NRG1: variants seen among roughly 807,000 people sequenced by gnomAD.
NRG1 encodes the protein pro-neuregulin-1, membrane-bound isoform.
NRG1 carries 18 observed loss-of-function variants against 63.8 expected under a neutral mutation model. That is an observed-to-expected ratio of 0.28 (90% confidence interval 0.19 to 0.42). NRG1 has a LOEUF of 0.42. NRG1 is among the 10% of genes least tolerant of loss of function. The pLI, the probability that NRG1 is intolerant of heterozygous loss-of-function variation, is 1.00. For synonymous variants in NRG1, 302 were observed against 301.3 expected, an observed-to-expected ratio of 1.00 and a Z score of -0.02; for missense variants, 762 against 814.7, an observed-to-expected ratio of 0.94 and a Z score of 0.79.
intron 1 of NRG1, among the ~76,000 whole-genome samples, chr8:32,321,611 A>G (rs972353416): frequency 1.3e-5 from 2 of 151,158 alleles, no homozygotes; most frequent in Admixed American, 1.3e-4. Context: ...AGTTGAATTC[A>G]TTTTAAATGA....
Position 32,237,707 on chromosome 8 carries a change from A to C in NRG1, c.38-358121A>C, listed in dbSNP as rs751755154. 2.0e-5 allele frequency among the ~76,000 whole-genome samples: 3 copies of C among 152,072 alleles called. No individual in the cohort carries two copies. In the South Asian group the frequency reaches 6.2e-4, roughly 32 times the overall value. ...AAGTGGATCTGCTTACCACCTAGAA[A>C]CATCAATTGAAACCACAGCTTATGG... On this transcript the variant is annotated intron_variant, in intron 1 of 10. Coordinates refer to the NRG1 transcript ENST00000519301.
chr8:32,525,040 C>CTCAA (rs1830689965), intron 1 of NRG1, among the ~76,000 whole-genome samples: 1 of 152,136 alleles, frequency 6.6e-6, no homozygotes, highest in South Asian at 2.1e-4. Flanking sequence ...GCCGATTTAC[C>CTCAA]GCTGAAACCT....
intron 1 of NRG1, among the ~76,000 whole-genome samples, chr8:31,998,525 C>A (rs1369806465): frequency 2.8e-4 from 42 of 151,942 alleles, no homozygotes; most frequent in Admixed American, 2.7e-3. Flanking sequence ...GAGGAAAAGA[C>A]AAATTGTAGT....
chr8:32,653,469 C>T (rs1855592803), intron 5 of NRG1, among the ~76,000 whole-genome samples: 1 of 152,138 alleles, frequency 6.6e-6, no homozygotes, highest in Admixed American at 6.5e-5. Flanking sequence ...CTTTAACTGA[C>T]AGCAATCCCA....
intron 1 of NRG1, among the ~76,000 whole-genome samples, chr8:31,683,785 T>G (rs1273924453): frequency 6.6e-6 from 1 of 152,054 alleles, no homozygotes; most frequent in African/African-American, 2.4e-5. Flanking sequence ...AAGCTGTGCA[T>G]GTGGGTGGGG....
chr8:31,981,557 C>G (rs1251028992), intron 1 of NRG1, among the ~76,000 whole-genome samples: 1 of 152,048 alleles, frequency 6.6e-6, no homozygotes, highest in African/African-American at 2.4e-5. Context: ...GATTTAGTGT[C>G]ATAGGGATTC....
intron 1 of NRG1, among the ~76,000 whole-genome samples, chr8:32,387,378 T>G (rs1587285661): frequency 6.6e-6 from 1 of 152,306 alleles, no homozygotes; most frequent in Admixed American, 6.5e-5. Context: ...ATTAGGTTTC[T>G]AATGTATTAT....
intron 1 of NRG1, among the ~76,000 whole-genome samples, chr8:31,998,428 A>G (rs956198164): frequency 6.6e-6 from 1 of 152,084 alleles, no homozygotes; most frequent in Non-Finnish European, 1.5e-5. Flanking sequence ...ACAAAGCTTC[A>G]TGGACACATG....
At chr8:32,677,237 T>C (rs6982316) in intron 5 of NRG1, among the ~76,000 whole-genome samples, 49,670 of 152,148 alleles carry the variant, frequency 0.33, 10,696 homozygotes, top group African/African-American at 0.61. Flanking sequence ...AAATACTGCC[T>C]AACTTCTTTT....
intron 1 of NRG1, among the ~76,000 whole-genome samples, chr8:32,406,955 T>G (rs1267498562): frequency 6.6e-6 from 1 of 152,010 alleles, no homozygotes; most frequent in Non-Finnish European, 1.5e-5. Context: ...GGGAGTTTAG[T>G]GTAAACTCAA....
intron 1 of NRG1, among the ~76,000 whole-genome samples, chr8:31,947,053 C>G (rs1434451324): frequency 1.3e-5 from 2 of 152,146 alleles, no homozygotes; most frequent in Admixed American, 1.3e-4. Flanking sequence ...GTAATCCCAG[C>G]CCTTTGGGAG....
At chr8:32,332,538 C>A (rs1802778263) in intron 1 of NRG1, among the ~76,000 whole-genome samples, 1 of 152,112 alleles carries the variant, frequency 6.6e-6, no homozygotes, top group Non-Finnish European at 1.5e-5. Flanking sequence ...ATAATAAACA[C>A]CTGTATAGTT....
At chr8:32,772,987 C>T (rs570090801) in intron 7 of NRG1, among the ~76,000 whole-genome samples, 1 of 152,252 alleles carries the variant, frequency 6.6e-6, no homozygotes, top group Admixed American at 6.5e-5. Context: ...ACAAAGGCCT[C>T]CTTTAGTACC....
At chr8:32,205,316 G>A (rs1322250687) in intron 1 of NRG1, among the ~76,000 whole-genome samples, 2 of 152,084 alleles carry the variant, frequency 1.3e-5, no homozygotes, top group South Asian at 2.1e-4. Flanking sequence ...TAATTAGAAC[G>A]TAGGCACTCA....
intron 1 of NRG1, among the ~76,000 whole-genome samples, chr8:32,225,803 T>C (rs961330845): frequency 1.3e-5 from 2 of 152,122 alleles, no homozygotes; most frequent in African/African-American, 4.8e-5. Flanking sequence ...AAACTGAAGA[T>C]GGGGAAAGTG....
intron 3 of NRG1, among the ~76,000 whole-genome samples, chr8:32,610,340 G>A (rs1379334036): frequency 2.0e-5 from 3 of 152,154 alleles, no homozygotes; most frequent in African/African-American, 7.2e-5. Context: ...TTCTAAGAGA[G>A]ATGGGGAGGT....
At chr8:32,105,529 C>T (rs1831153786) in intron 1 of NRG1, among the ~76,000 whole-genome samples, 1 of 152,122 alleles carries the variant, frequency 6.6e-6, no homozygotes, top group African/African-American at 2.4e-5. Context: ...CCAGGTGTCT[C>T]CCACAACACA....
chr8:31,855,588 A>C (rs1827774028), intron 1 of NRG1, among the ~76,000 whole-genome samples: 1 of 152,144 alleles, frequency 6.6e-6, no homozygotes, highest in South Asian at 2.1e-4. Context: ...TGTGTCTTTT[A>C]ATTGGAGCAT....
chr8:32,319,618 A>T (rs1483640816), intron 1 of NRG1, among the ~76,000 whole-genome samples: 2 of 152,202 alleles, frequency 1.3e-5, no homozygotes, highest in Non-Finnish European at 2.9e-5. Flanking sequence ...CTGTCACTCC[A>T]GGTAACACCC....
Sources: allele counts gnomAD v4.1 joint callset (sites outside exome capture counted in the v4.1 genomes callset), GRCh38; gene constraint gnomAD v4.1.1; transcripts MANE v1.5; gene names NCBI Gene and HGNC (gene_info 2026-07-23, HGNC 2026-07-21).